The following MTMR8 variants were observed in gnomAD, a reference collection of about 807,000 sequenced individuals.
MTMR8 encodes the protein myotubularin related protein 8.
Under a neutral mutation model 39.3 loss-of-function variants are expected in MTMR8, and 65 were observed. The ratio of observed to expected loss-of-function variants is 1.65; its 90% confidence interval spans 1.35 to 2.03. MTMR8 has a LOEUF of 2.03. Among genes scored for constraint, MTMR8 ranks in the 30% most tolerant of loss-of-function variants. The pLI is 0.00. For missense variants in MTMR8, 777 were observed against 538.9 expected (o/e 1.44, Z -4.37); for synonymous variants, 245 against 185.2 (o/e 1.32, Z -2.62).
In MTMR8 at chrX:64,282,871, C is replaced by A. The variant is rs1442924852; in HGVS notation, c.1482-11798G>T. On this transcript the variant is annotated intron_variant, in intron 12 of 13. Coordinates refer to ENST00000374852, the MANE Select transcript of MTMR8 (RefSeq NM_017677.4). ...GAGCTCCAAGATGGCCAAATAGGAA[C>A]AGCTCCAGTCTACAGCTCCCAGCGT... 2.7e-5 allele frequency among the ~76,000 whole-genome samples: 3 copies of A among 111,416 alleles called. No homozygotes were observed. The Admixed American group carries it at 2.9e-4, about 11-fold the overall frequency.
intron 13 of MTMR8, among the ~76,000 whole-genome samples, chrX:64,269,851 T>C (rs945394116): frequency 8.1e-5 from 9 of 111,757 alleles, no homozygotes; most frequent in African/African-American, 2.9e-4. Context: ...CTGCTCTGTA[T>C]TAAAAAAAGA....
chrX:64,280,993 G>T (rs961174327), intron 12 of MTMR8, among the ~76,000 whole-genome samples: 21 of 110,880 alleles, frequency 1.9e-4, no homozygotes, highest in African/African-American at 5.9e-4. Flanking sequence ...GCTAACAAGG[G>T]ATGTGAAGGA....
chrX:64,377,455 T>C (rs1213218986), intron 1 of MTMR8, among the ~76,000 whole-genome samples: 1 of 112,707 alleles, frequency 8.9e-6, no homozygotes, highest in African/African-American at 3.2e-5. Context: ...GTGGCCTGGA[T>C]GTGAGACATA....
intron 12 of MTMR8, among the ~76,000 whole-genome samples, chrX:64,277,396 C>A (rs1368477678): frequency 8.9e-6 from 1 of 112,030 alleles, no homozygotes; most frequent in East Asian, 2.8e-4. Flanking sequence ...TTGTTGCTTT[C>A]CATGTTTAGT....
intron 12 of MTMR8, among the ~76,000 whole-genome samples, chrX:64,303,753 T>A (rs1320565965): frequency 5.3e-5 from 6 of 112,707 alleles, no homozygotes; most frequent in Admixed American, 4.7e-4. Flanking sequence ...CCACATCATT[T>A]TCATATAAAA....
chrX:64,329,725 C>A (rs1376293305), intron 11 of MTMR8, among the ~76,000 whole-genome samples: 1 of 110,676 alleles, frequency 9.0e-6, no homozygotes, highest in African/African-American at 3.3e-5. Flanking sequence ...AAATTGTGGT[C>A]TTGTAACTTT....
At position 64,323,707 on chromosome X, in the gene MTMR8, G is replaced by T. The variant is rs568019581; in HGVS notation, c.1481+5065C>A. On this transcript the variant is annotated intron_variant, in intron 12 of 13. Coordinates refer to ENST00000374852, the MANE Select transcript of MTMR8 (RefSeq NM_017677.4). Reference sequence around the variant, plus strand: ...TTTAAGAAAACCAAAATCATTTCCAGTATATTTTTTTTTACCACAATGGTA... The same window carrying T: ...TTTAAGAAAACCAAAATCATTTCCATTATATTTTTTTTTACCACAATGGTA... Among the ~76,000 whole-genome samples, 60 of 107,615 alleles carry T rather than the reference G, an allele frequency of 5.6e-4. 2 individuals carry two copies. In the South Asian group the frequency reaches 0.022, roughly 40 times the overall value. The allele number at this position is 107,615 out of a possible 115,157, so 93.5% of individuals were successfully genotyped here. A position where few individuals can be genotyped will look rare whatever the true frequency, so the allele number is the denominator to read the frequency against.
chrX:64,290,790 G>A (rs1465416416), intron 12 of MTMR8, among the ~76,000 whole-genome samples: 1 of 112,197 alleles, frequency 8.9e-6, no homozygotes, highest in Non-Finnish European at 1.9e-5. Context: ...CATATATTTA[G>A]TTTGTTCTTT....
chrX:64,275,186 G>A (rs1931844462), intron 12 of MTMR8, among the ~76,000 whole-genome samples: 1 of 110,104 alleles, frequency 9.1e-6, no homozygotes, highest in South Asian at 3.9e-4. Flanking sequence ...ATTATGACTG[G>A]CCAATTAAAA....
intron 12 of MTMR8, among the ~76,000 whole-genome samples, chrX:64,288,161 G>T (rs1325744268): frequency 2.8e-5 from 3 of 106,152 alleles, no homozygotes; most frequent in Non-Finnish European, 5.8e-5. Flanking sequence ...AAATTTACAA[G>T]AAAAAACGAA....
intron 12 of MTMR8, among the ~76,000 whole-genome samples, chrX:64,325,227 T>C (rs1370836813): frequency 8.9e-6 from 1 of 111,923 alleles, no homozygotes; most frequent in Non-Finnish European, 1.9e-5. Context: ...CTACCAAACA[T>C]TTAAAGAATG....
intron 12 of MTMR8, among the ~76,000 whole-genome samples, chrX:64,321,477 G>T (rs939403840): frequency 8.9e-6 from 1 of 111,998 alleles, no homozygotes; most frequent in South Asian, 3.7e-4. Context: ...ACAGATTTCA[G>T]CAGGTAAAAG....
At chrX:64,295,389 A>T (rs976166034) in intron 12 of MTMR8, among the ~76,000 whole-genome samples, 1 of 111,586 alleles carries the variant, frequency 9.0e-6, no homozygotes, top group South Asian at 3.7e-4. Context: ...CATAGGGGGA[A>T]ATCTTCATGA....
At chrX:64,356,080 C>A in intron 3 of MTMR8, 96 bp downstream of exon 3, 1 of 916,101 alleles carries the variant, frequency 1.1e-6, no homozygotes, top group Non-Finnish European at 1.5e-6. Flanking sequence ...CAGCCCAGAT[C>A]CAAACCCTCC....
intron 6 of MTMR8, among the ~76,000 whole-genome samples, chrX:64,347,590 G>C (rs1224470086): frequency 1.8e-5 from 2 of 112,199 alleles, no homozygotes; most frequent in Non-Finnish European, 3.8e-5. Context: ...ACATCCAACT[G>C]CTCAACTCTT....
At chrX:64,316,129 T>A (rs1922459608) in intron 12 of MTMR8, among the ~76,000 whole-genome samples, 1 of 112,111 alleles carries the variant, frequency 8.9e-6, no homozygotes, top group Non-Finnish European at 1.9e-5. Flanking sequence ...TCCACTGTCA[T>A]ACATTTGAGA....
At chrX:64,354,973 A>G (rs746529512) in intron 3 of MTMR8, 39 bp from the exon 4 acceptor site, 1 of 1,075,597 alleles carries the variant, frequency 9.3e-7, no homozygotes, top group Non-Finnish European at 1.2e-6. Flanking sequence ...AAAATGATGA[A>G]TGAAACCTAA....
chrX:64,282,364 G>T (rs904877140), intron 12 of MTMR8, among the ~76,000 whole-genome samples: 1 of 111,427 alleles, frequency 9.0e-6, no homozygotes, highest in Non-Finnish European at 1.9e-5. Flanking sequence ...CCTGTCAGAA[G>T]GGGTGGGGGT....
chrX:64,351,893 G>T (rs1351260212), intron 4 of MTMR8, among the ~76,000 whole-genome samples: 3 of 110,788 alleles, frequency 2.7e-5, no homozygotes, highest in African/African-American at 9.8e-5. Context: ...CAGATTAAGG[G>T]TGGGTCTGCC....
Sources: allele counts gnomAD v4.1 joint callset (sites outside exome capture counted in the v4.1 genomes callset), GRCh38; gene constraint gnomAD v4.1.1; transcripts MANE v1.5; gene names NCBI Gene and HGNC (gene_info 2026-07-23, HGNC 2026-07-21).